Variants in MTUS2 observed in about 807,000 individuals in gnomAD.
The protein encoded by MTUS2 is microtubule associated scaffold protein 2.
MTUS2 carries 40 observed loss-of-function variants against 114.1 expected under a neutral mutation model. That is an observed-to-expected ratio of 0.35 (90% CI 0.27 to 0.46). The LOEUF (loss-of-function observed/expected upper bound fraction) is 0.46, where lower values mean the gene tolerates loss of function less well. Ranked by LOEUF, MTUS2 falls within the 20% of genes least tolerant of loss-of-function variation. MTUS2 has a pLI of 1.00. For synonymous variants in MTUS2, 688 were observed against 672.0 expected (o/e 1.02, Z -0.37); for missense variants, 1,679 against 1,705.4 (o/e 0.98, Z 0.27).
At chr13:28,993,271 C>T (rs1415965882) in intron 2 of MTUS2, among the ~76,000 whole-genome samples, 1 of 152,166 alleles carries the variant, frequency 6.6e-6, no homozygotes, top group Non-Finnish European at 1.5e-5. Flanking sequence ...ATTGCTGGAT[C>T]ATGTGGTGAT....
At chr13:29,110,320 G>C (rs1890834437) in intron 5 of MTUS2, among the ~76,000 whole-genome samples, 1 of 152,186 alleles carries the variant, frequency 6.6e-6, no homozygotes, top group Admixed American at 6.5e-5. Context: ...AAAGGGCTTT[G>C]CACAGCTTCT....
intron 4 of MTUS2, among the ~76,000 whole-genome samples, chr13:29,060,349 C>T (rs1433185078): frequency 6.6e-6 from 1 of 151,780 alleles, no homozygotes; most frequent in Non-Finnish European, 1.5e-5. Context: ...TTCTCCAGTT[C>T]CTTGTGGAGA....
chr13:29,318,483 GT>G (rs1900114965), intron 6 of MTUS2, among the ~76,000 whole-genome samples: 6 of 151,374 alleles, frequency 4.0e-5, no homozygotes, highest in Non-Finnish European at 8.8e-5. Flanking sequence ...AGACCAAGCA[GT>G]TAGTGACTTT....
chr13:28,869,756 C>T (rs568731323), intron 2 of MTUS2, among the ~76,000 whole-genome samples: 2 of 152,150 alleles, frequency 1.3e-5, no homozygotes, highest in African/African-American at 2.4e-5. Context: ...GGTGACAGAG[C>T]GAGACTCTGT....
chr13:28,973,338 A>G (rs1335924515), intron 2 of MTUS2, among the ~76,000 whole-genome samples: 1 of 152,216 alleles, frequency 6.6e-6, no homozygotes, highest in African/African-American at 2.4e-5. Context: ...ATTGCATATT[A>G]TAAGGGTAAG....
chr13:28,980,627 A>C lies in MTUS2; in HGVS notation c.-242-43830A>C, dbSNP rs80148616. Among the ~76,000 whole-genome samples the C allele has an allele frequency of 2.6e-3, 390 of 152,310 alleles. 2 individuals are homozygous for C. The highest frequency in any genetic ancestry group is 8.9e-3 in the African/African-American group (368 of 41,568). On this transcript the variant is annotated intron_variant, in intron 2 of 15. Coordinates refer to ENST00000612955, the MANE Select transcript of MTUS2 (RefSeq NM_001033602.4). ...GGGGATGGCTACTTGGATTGTTTCC[A>C]ATGTTTTTCTTGTACAAACACTGCT...
intron 2 of MTUS2, among the ~76,000 whole-genome samples, chr13:28,990,327 G>A (rs1454298267): frequency 6.6e-6 from 1 of 152,192 alleles, no homozygotes; most frequent in African/African-American, 2.4e-5. Context: ...CTTTACAGTT[G>A]CTCAGGAGTG....
chr13:29,497,584 G>A, intron 13 of MTUS2: 1 of 532,794 alleles, frequency 1.9e-6, no homozygotes, highest in Admixed American at 3.1e-5. Context: ...TTCCCCAGCT[G>A]GAGTCGTGGG....
intron 4 of MTUS2, among the ~76,000 whole-genome samples, chr13:29,089,338 AGT>A (rs1320121800): frequency 6.6e-6 from 1 of 152,102 alleles, no homozygotes; most frequent in Non-Finnish European, 1.5e-5. Context: ...AAGCTGATGG[AGT>A]TTCCTTTGTA....
At chr13:28,842,714 T>G (rs1875593725) in intron 2 of MTUS2, among the ~76,000 whole-genome samples, 1 of 152,196 alleles carries the variant, frequency 6.6e-6, no homozygotes, top group South Asian at 2.1e-4. Flanking sequence ...TAGGATAGCA[T>G]AGCTTTTGAA....
At chr13:29,256,344 T>C (rs990586062) in intron 5 of MTUS2, among the ~76,000 whole-genome samples, 2 of 152,132 alleles carry the variant, frequency 1.3e-5, no homozygotes, top group African/African-American at 4.8e-5. Context: ...GGCTGGCTTA[T>C]CAGGGAAGCG....
At chr13:29,083,659 A>C (rs1394237712) in intron 4 of MTUS2, among the ~76,000 whole-genome samples, 1 of 152,198 alleles carries the variant, frequency 6.6e-6, no homozygotes, top group Non-Finnish European at 1.5e-5. Context: ...TCCAAATTTA[A>C]GAACAGGCCA....
At chr13:28,866,243 G>A (rs1877290879) in intron 2 of MTUS2, among the ~76,000 whole-genome samples, 2 of 152,170 alleles carry the variant, frequency 1.3e-5, no homozygotes, top group South Asian at 2.1e-4. Flanking sequence ...GCACTATCTC[G>A]TTGTTTTGAC....
intron 2 of MTUS2, among the ~76,000 whole-genome samples, chr13:28,912,500 T>C (rs1478378268): frequency 1.3e-5 from 2 of 152,190 alleles, no homozygotes; most frequent in Non-Finnish European, 2.9e-5. Context: ...ATGGGCTCTT[T>C]TTTGGTTCCA....
chr13:29,027,945 G>A (rs558529869), intron 3 of MTUS2, among the ~76,000 whole-genome samples: 2 of 152,340 alleles, frequency 1.3e-5, no homozygotes, highest in African/African-American at 4.8e-5. Context: ...GGCCTGTGCA[G>A]TTTCAGACTG....
chr13:29,204,192 T>C (rs1353526626), intron 5 of MTUS2, among the ~76,000 whole-genome samples: 1 of 152,128 alleles, frequency 6.6e-6, no homozygotes, highest in Non-Finnish European at 1.5e-5. Context: ...ACTCCTGACT[T>C]TGTGATCTGC....
chr13:29,184,311 C>G (rs963661808), intron 5 of MTUS2, among the ~76,000 whole-genome samples: 1 of 152,208 alleles, frequency 6.6e-6, no homozygotes, highest in African/African-American at 2.4e-5. Context: ...TCCTCACCTT[C>G]CAAAGGCAGT....
chr13:29,055,353 G>C (rs1472099956), intron 4 of MTUS2, among the ~76,000 whole-genome samples: 3 of 151,926 alleles, frequency 2.0e-5, no homozygotes, highest in African/African-American at 7.2e-5. Context: ...TAGTACTCTA[G>C]CTTTTTGCCT....
At chr13:28,841,049 C>G (rs1385149635) in intron 2 of MTUS2, among the ~76,000 whole-genome samples, 2 of 152,170 alleles carry the variant, frequency 1.3e-5, no homozygotes, top group Non-Finnish European at 2.9e-5. Flanking sequence ...GTGTGATGTC[C>G]TTGTTCTCAA....
Sources: allele counts gnomAD v4.1 joint callset (sites outside exome capture counted in the v4.1 genomes callset), GRCh38; gene constraint gnomAD v4.1.1; transcripts MANE v1.5; gene names NCBI Gene and HGNC (gene_info 2026-07-23, HGNC 2026-07-21).